Variants in MDGA2 observed in about 807,000 individuals in gnomAD.
MDGA2 encodes MAM domain containing glycosylphosphatidylinositol anchor 2.
In MDGA2, 40 loss-of-function variants were observed where a neutral mutation model predicts 117.8. The ratio of observed to expected loss-of-function variants is 0.34; its 90% confidence interval spans 0.26 to 0.44. The LOEUF is 0.44. Among genes scored for constraint, MDGA2 ranks in the 20% least tolerant of loss-of-function variants. MDGA2 has a pLI of 1.00. For synonymous variants in MDGA2, 452 were observed against 439.0 expected, an observed-to-expected ratio of 1.03 and a Z score of -0.37; for missense variants, 1,123 against 1,250.6, an observed-to-expected ratio of 0.90 and a Z score of 1.54.
intron 1 of MDGA2, among the ~76,000 whole-genome samples, chr14:47,498,113 A>T (rs1894320492): frequency 6.6e-6 from 1 of 152,204 alleles, no homozygotes; most frequent in East Asian, 1.9e-4. Context: ...ATCATCTAAC[A>T]GGCTCCACAT....
intron 1 of MDGA2, among the ~76,000 whole-genome samples, chr14:47,493,350 C>G (rs950799434): frequency 4.0e-5 from 6 of 150,882 alleles, no homozygotes; most frequent in Non-Finnish European, 7.4e-5. Context: ...AGGCCTCACT[C>G]TGTTACCCAG....
rs1311289220 is a variant in MDGA2 at position 47,368,453 on chromosome 14, TCATA to T, written c.281-66907_281-66904del. ...TAGATTAGAGAATAGAATTGAATAA[TCATA>T]CAGTGTAATAAAATTGGATCACTTT... On this transcript the variant is annotated intron_variant, in intron 1 of 16. Coordinates refer to ENST00000399232, the MANE Select transcript of MDGA2 (RefSeq NM_001113498.3). 1.3e-4 allele frequency among the ~76,000 whole-genome samples: 20 copies of T among 152,272 alleles called. No individual in the cohort carries two copies. In the East Asian group the frequency reaches 3.5e-3, roughly 26 times the overall value.
intron 1 of MDGA2, among the ~76,000 whole-genome samples, chr14:47,322,199 CAGAGCAT>C (rs1441560044): frequency 3.3e-5 from 5 of 152,134 alleles, no homozygotes; most frequent in South Asian, 2.1e-4. Flanking sequence ...CCATATGTCA[CAGAGCAT>C]ACATTTTTAA....
chr14:47,674,397 A>T, intron 1 of MDGA2, 120 bp downstream of exon 1: 1 of 795,228 alleles, frequency 1.3e-6, no homozygotes, highest in Non-Finnish European at 2.0e-6. Context: ...AACGTGATGA[A>T]GTGTAAATCA....
At chr14:46,987,771 A>C (rs567824683) in intron 8 of MDGA2, among the ~76,000 whole-genome samples, 1 of 152,118 alleles carries the variant, frequency 6.6e-6, no homozygotes, top group Non-Finnish European at 1.5e-5. Context: ...TCTATGTGCA[A>C]AGCAATTTAA....
At chr14:46,967,393 G>A (rs1886078482) in intron 8 of MDGA2, among the ~76,000 whole-genome samples, 2 of 152,278 alleles carry the variant, frequency 1.3e-5, no homozygotes, top group African/African-American at 4.8e-5. Context: ...GTCATTTAAG[G>A]AAAATTGTGC....
chr14:47,495,602 A>G (rs965804368), intron 1 of MDGA2, among the ~76,000 whole-genome samples: 1 of 152,114 alleles, frequency 6.6e-6, no homozygotes, highest in Non-Finnish European at 1.5e-5. Flanking sequence ...GAGCAGTTTT[A>G]TTTACTCCTC....
At chr14:47,502,104 G>A (rs1894411331) in intron 1 of MDGA2, among the ~76,000 whole-genome samples, 1 of 152,034 alleles carries the variant, frequency 6.6e-6, no homozygotes, top group Non-Finnish European at 1.5e-5. Context: ...GACTTAAAAG[G>A]TCCATTTGAA....
At chr14:47,217,251 T>C (rs1886126658) in intron 3 of MDGA2, among the ~76,000 whole-genome samples, 1 of 152,082 alleles carries the variant, frequency 6.6e-6, no homozygotes, top group East Asian at 1.9e-4. Flanking sequence ...GAAAAATAAT[T>C]ATCTTACATC....
intron 2 of MDGA2, among the ~76,000 whole-genome samples, chr14:47,261,861 G>C (rs1260285233): frequency 6.6e-6 from 1 of 152,124 alleles, no homozygotes; most frequent in Non-Finnish European, 1.5e-5. Flanking sequence ...GCACTATACT[G>C]TATAGTCTTG....
intron 1 of MDGA2, among the ~76,000 whole-genome samples, chr14:47,535,469 TGAGA>T (rs1895191230): frequency 6.6e-6 from 1 of 152,216 alleles, no homozygotes. Context: ...TGAAAGACTT[TGAGA>T]GGTAACTGGC....
chr14:47,474,576 C>A (rs1405020950), intron 1 of MDGA2, among the ~76,000 whole-genome samples: 1 of 152,142 alleles, frequency 6.6e-6, no homozygotes, highest in Admixed American at 6.6e-5. Context: ...TGCTACCTCA[C>A]TTTGAACTAT....
chr14:47,244,530 C>T (rs932409795), intron 2 of MDGA2, among the ~76,000 whole-genome samples: 1 of 151,774 alleles, frequency 6.6e-6, no homozygotes. Context: ...CAATTATATA[C>T]TTATAAATAT....
intron 1 of MDGA2, among the ~76,000 whole-genome samples, chr14:47,438,059 T>C (rs1892932448): frequency 6.6e-6 from 1 of 152,136 alleles, no homozygotes; most frequent in South Asian, 2.1e-4. Flanking sequence ...CATTCTGAAG[T>C]ACCTTTAGAC....
chr14:46,966,576 C>T (rs993275194), intron 8 of MDGA2, among the ~76,000 whole-genome samples: 16 of 151,978 alleles, frequency 1.1e-4, no homozygotes, highest in Admixed American at 5.2e-4. Context: ...ATTCAAACTG[C>T]AGTTTATATG....
At chr14:47,166,063 T>G (rs1221215555) in intron 3 of MDGA2, among the ~76,000 whole-genome samples, 1 of 144,166 alleles carries the variant, frequency 6.9e-6, no homozygotes, top group Admixed American at 7.3e-5. Flanking sequence ...TTAGACAGAG[T>G]CTCGCTCTGT....
chr14:47,595,079 G>C lies in MDGA2; in HGVS notation c.280+79438C>G, dbSNP rs569431903. 7.2e-4 allele frequency among the ~76,000 whole-genome samples: 110 copies of C among 152,018 alleles called. 1 individual carries two copies. The highest frequency in any genetic ancestry group is 2.4e-3 in the African/African-American group (100 of 41,478). On this transcript the variant is annotated intron_variant, in intron 1 of 16. Coordinates refer to ENST00000399232, the MANE Select transcript of MDGA2 (RefSeq NM_001113498.3). ...AGACTGATATACACGTGCTTATCTA[G>C]AACAAAGCCTGTAACAAGTTACTCT...
At chr14:47,113,639 G>A (rs1478225472) in intron 5 of MDGA2, among the ~76,000 whole-genome samples, 4 of 152,030 alleles carry the variant, frequency 2.6e-5, no homozygotes, top group Non-Finnish European at 4.4e-5. Context: ...CACATAAGCA[G>A]AACTAAAGAC....
At chr14:47,400,738 T>TTTTTC (rs1257751183) in intron 1 of MDGA2, among the ~76,000 whole-genome samples, 4 of 130,210 alleles carry the variant, frequency 3.1e-5, no homozygotes, top group Admixed American at 8.7e-5. Context: ...TTTTTTTTTC[T>TTTTTC]TTTTCTTTTC....
Sources: gnomAD v4.1 joint callset for allele counts (sites outside exome capture counted in the v4.1 genomes callset) on GRCh38, gnomAD v4.1.1 for gene constraint, MANE v1.5 for transcripts, NCBI Gene and HGNC (gene_info 2026-07-23, HGNC 2026-07-21) for gene names.